Variants in PID1 observed in about 807,000 individuals in gnomAD.
The protein encoded by PID1 is PTB-containing, cubilin and LRP1-interacting protein.
PID1 carries 10 observed loss-of-function variants against 19.1 expected under a neutral mutation model. The observed-to-expected ratio is 0.52, with a 90% confidence interval of 0.32 to 0.89. The LOEUF (loss-of-function observed/expected upper bound fraction) is 0.89, where lower values mean the gene tolerates loss of function less well. PID1 is among the 40% of genes least tolerant of loss of function. The pLI is 0.03. For missense variants in PID1, 248 were observed against 285.3 expected, an observed-to-expected ratio of 0.87 and a Z score of 0.94; for synonymous variants, 130 against 116.0, an observed-to-expected ratio of 1.12 and a Z score of -0.78.
chr2:229,218,293 C>CAAAAAAAAAAAAAAAAAAAAATAAAATAA (rs1691891420), intron 1 of PID1, among the ~76,000 whole-genome samples: 1 of 67,598 alleles, frequency 1.5e-5, no homozygotes, highest in Non-Finnish European at 2.6e-5. Flanking sequence ...GTTTCCTGAG[C>CAAAAAAAAAAAAAAAAAAAAATAAAATAA]AAAAAAAAAA....
intron 2 of PID1, among the ~76,000 whole-genome samples, chr2:229,033,496 C>T (rs1693598322): frequency 6.6e-6 from 1 of 151,864 alleles, no homozygotes; most frequent in Non-Finnish European, 1.5e-5. Flanking sequence ...CACATGGACA[C>T]CAGGAGGGGA....
intron 2 of PID1, among the ~76,000 whole-genome samples, chr2:229,076,442 G>A (rs561531370): frequency 2.6e-5 from 4 of 151,764 alleles, no homozygotes; most frequent in Non-Finnish European, 5.9e-5. Context: ...TGTGCAGAAC[G>A]AGCAGTTTTG....
At chr2:229,130,404 A>C (rs546182825) in intron 2 of PID1, among the ~76,000 whole-genome samples, 2 of 152,364 alleles carry the variant, frequency 1.3e-5, no homozygotes, top group African/African-American at 4.8e-5. Flanking sequence ...GCCTTTCTGG[A>C]AAGTTCTGAG....
At chr2:229,125,637 G>A (rs1695608086) in intron 2 of PID1, among the ~76,000 whole-genome samples, 1 of 152,130 alleles carries the variant, frequency 6.6e-6, no homozygotes, top group Non-Finnish European at 1.5e-5. Flanking sequence ...GTCCTCCTGT[G>A]TCCTAGTACA....
At chr2:229,243,390 T>C (rs548599515) in intron 1 of PID1, among the ~76,000 whole-genome samples, 147 of 152,232 alleles carry the variant, frequency 9.7e-4, no homozygotes, top group Middle Eastern at 3.4e-3. Flanking sequence ...GTCTTCTTTG[T>C]GAAGGGTTCC....
chr2:229,073,566 G>C (rs1372931269), intron 2 of PID1, among the ~76,000 whole-genome samples: 1 of 152,136 alleles, frequency 6.6e-6, no homozygotes, highest in Non-Finnish European at 1.5e-5. Flanking sequence ...TATTTTGGGG[G>C]ATTTACAAGT....
chr2:229,082,207 A>G (rs1574613854), intron 2 of PID1, among the ~76,000 whole-genome samples: 2 of 152,254 alleles, frequency 1.3e-5, no homozygotes, highest in Non-Finnish European at 2.9e-5. Flanking sequence ...ACGAGGCTCC[A>G]ACATGGACTA....
intron 1 of PID1, among the ~76,000 whole-genome samples, chr2:229,195,403 A>G (rs1053983868): frequency 6.6e-6 from 1 of 151,870 alleles, no homozygotes; most frequent in African/African-American, 2.4e-5. Context: ...ATATACATAC[A>G]TAACATGCAT....
intron 1 of PID1, among the ~76,000 whole-genome samples, chr2:229,270,799 G>A (rs1690714611): frequency 6.6e-6 from 1 of 152,136 alleles, no homozygotes; most frequent in Non-Finnish European, 1.5e-5. Context: ...GCCAAAAGTT[G>A]TAACGCCTGA....
intron 1 of PID1, among the ~76,000 whole-genome samples, chr2:229,220,919 T>A (rs977965): frequency 0.99 from 150,605 of 152,188 alleles, 74,529 homozygotes; most frequent in Non-Finnish European, 1. Context: ...AAAAAAAATT[T>A]AAAAAAAATT....
At chr2:229,051,192 C>T (rs941539339) in intron 2 of PID1, among the ~76,000 whole-genome samples, 37 of 152,158 alleles carry the variant, frequency 2.4e-4, no homozygotes, top group African/African-American at 8.4e-4. Context: ...GAAATTAACG[C>T]AAATTCTCCA....
intron 1 of PID1, among the ~76,000 whole-genome samples, chr2:229,166,887 A>G (rs142878948): frequency 3.0e-4 from 45 of 152,196 alleles, no homozygotes; most frequent in African/African-American, 1.1e-3. Flanking sequence ...AATTTCAGTA[A>G]CAATAAATAA....
chr2:229,027,786 A>G (rs72973193), intron 2 of PID1, among the ~76,000 whole-genome samples: 12,020 of 152,312 alleles, frequency 0.079, 633 homozygotes, highest in Non-Finnish European at 0.11. Context: ...GCGGTAGCCT[A>G]AGACAGCCCT....
intron 2 of PID1, among the ~76,000 whole-genome samples, chr2:229,131,467 G>T (rs1689738757): frequency 6.6e-6 from 1 of 152,128 alleles, no homozygotes; most frequent in South Asian, 2.1e-4. Flanking sequence ...CTGACCTCAG[G>T]TGATCCACCC....
intron 2 of PID1, among the ~76,000 whole-genome samples, chr2:229,121,217 G>T (rs139653257): frequency 1.3e-5 from 2 of 152,220 alleles, no homozygotes; most frequent in Non-Finnish European, 2.9e-5. Flanking sequence ...CCATACACCT[G>T]CACATTCATC....
chr2:229,060,084 G>C (rs939766376), intron 2 of PID1, among the ~76,000 whole-genome samples: 22 of 152,096 alleles, frequency 1.4e-4, no homozygotes, highest in Admixed American at 1.1e-3. Flanking sequence ...ATGAAATCAA[G>C]CTTATTCACA....
intron 2 of PID1, among the ~76,000 whole-genome samples, chr2:229,093,264 C>G (rs562199338): frequency 2.0e-5 from 3 of 152,048 alleles, no homozygotes; most frequent in African/African-American, 4.8e-5. Flanking sequence ...GCTGAGACCA[C>G]AGGTGCATGC....
intron 2 of PID1, among the ~76,000 whole-genome samples, chr2:229,115,500 C>T (rs1019360673): frequency 6.6e-6 from 1 of 151,296 alleles, no homozygotes; most frequent in Non-Finnish European, 1.5e-5. Flanking sequence ...TAGCACTAAC[C>T]ATAAAAATTT....
intron 1 of PID1, among the ~76,000 whole-genome samples, chr2:229,210,778 C>G (rs1691715835): frequency 6.6e-6 from 1 of 152,112 alleles, no homozygotes; most frequent in African/African-American, 2.4e-5. Flanking sequence ...TCCATCCTTC[C>G]AGGCAAGCTC....
Sources: allele counts gnomAD v4.1 joint callset (sites outside exome capture counted in the v4.1 genomes callset), GRCh38; gene constraint gnomAD v4.1.1; transcripts MANE v1.5; gene names NCBI Gene and HGNC (gene_info 2026-07-23, HGNC 2026-07-21).